PEX13: variants seen among roughly 807,000 people sequenced by gnomAD.
PEX13 encodes peroxisome biogenesis factor 13.
In PEX13, 28 loss-of-function variants were observed where a neutral mutation model predicts 34.5. The observed-to-expected ratio is 0.81, with a 90% CI of 0.60 to 1.11. The LOEUF is 1.11. Among genes scored for constraint, PEX13 ranks in the 50% most tolerant of loss-of-function variants. PEX13 has a pLI of 0.00. For synonymous variants in PEX13, 177 were observed against 175.1 expected (o/e 1.01, Z -0.09); for missense variants, 550 against 491.0 (o/e 1.12, Z -1.13).
intron 1 of PEX13, among the ~76,000 whole-genome samples, chr2:61,026,453 A>G (rs1023423473): frequency 8.0e-5 from 12 of 150,686 alleles, no homozygotes; most frequent in East Asian, 3.9e-4. Context: ...GGTTCAAGCA[A>G]TTCTCTGCCT....
At chr2:61,034,940 T>A in intron 2 of PEX13, among the ~76,000 whole-genome samples, 1 of 152,256 alleles carries the variant, frequency 6.6e-6, no homozygotes, top group East Asian at 1.9e-4. Flanking sequence ...TAAACGTCCC[T>A]GTCTGACAGC....
chr2:61,019,644 A>C (rs1284018650), intron 1 of PEX13, among the ~76,000 whole-genome samples: 2 of 152,050 alleles, frequency 1.3e-5, no homozygotes, highest in Non-Finnish European at 2.9e-5. Flanking sequence ...TTTATTGAGT[A>C]GTCTATTCTT....
chr2:61,050,563 T>C lies in PEX13; in HGVS notation c.*1793T>C, dbSNP rs1172442892. 2 of 152,268 alleles carry C rather than the reference T, an allele frequency of 1.3e-5. No individual in the cohort carries two copies. The highest frequency in any genetic ancestry group is 2.4e-5 in the African/African-American group (1 of 41,420). 9.4% of individuals were successfully genotyped at this position (152,268 alleles called of 1,614,324 possible). A position where few individuals can be genotyped will look rare whatever the true frequency, so the allele number is the denominator to read the frequency against. On this transcript the variant is annotated 3_prime_UTR_variant, in exon 4 of 4. Coordinates refer to ENST00000295030, the MANE Select transcript of PEX13 (RefSeq NM_002618.4). ...AGGAATACAGGTGTATAAGAATACA[T>C]TTATAGATATTGTTGAAAACTTTGA...
intron 1 of PEX13, among the ~76,000 whole-genome samples, chr2:61,024,390 C>T (rs1680315140): frequency 1.3e-5 from 2 of 152,218 alleles, no homozygotes; most frequent in Non-Finnish European, 2.9e-5. Context: ...TCACTATACT[C>T]CCTGTATCTT....
chr2:61,030,203 CATT>C (rs1250856855), intron 1 of PEX13, among the ~76,000 whole-genome samples: 1 of 152,134 alleles, frequency 6.6e-6, no homozygotes, highest in African/African-American at 2.4e-5. Context: ...CATAGATCCT[CATT>C]ATTTGTGGAT....
At chr2:61,035,903 A>T (rs1328155654) in intron 2 of PEX13, among the ~76,000 whole-genome samples, 3 of 151,934 alleles carry the variant, frequency 2.0e-5, no homozygotes, top group Non-Finnish European at 4.4e-5. Flanking sequence ...GAATTGCTTG[A>T]ACCCAGGAGG....
Position 61,050,277 on chromosome 2 carries a change from G to C in PEX13, c.*1507G>C, listed in dbSNP as rs1680774657. Reference sequence around the variant, plus strand: ...TGTAGTCCCAGCTACTCAGGAGGCTGAGGCAGGAGAATCACTTGAACCCGG... The same window carrying C: ...TGTAGTCCCAGCTACTCAGGAGGCTCAGGCAGGAGAATCACTTGAACCCGG... On this transcript the variant is annotated 3_prime_UTR_variant, in exon 4 of 4. Coordinates refer to ENST00000295030, the MANE Select transcript of PEX13 (RefSeq NM_002618.4). 1 of 152,368 alleles carries C rather than the reference G, an allele frequency of 6.6e-6. No individual in the cohort carries two copies. Among genetic ancestry groups the C allele is most frequent in the South Asian group, 2.1e-4 (1 of 4,812 alleles). 9.4% of individuals were successfully genotyped at this position (152,368 alleles called of 1,614,324 possible). A position where few individuals can be genotyped will look rare whatever the true frequency, so the allele number is the denominator to read the frequency against.
intron 1 of PEX13, among the ~76,000 whole-genome samples, chr2:61,029,309 C>G (rs1425705613): frequency 6.6e-6 from 1 of 152,080 alleles, no homozygotes; most frequent in Non-Finnish European, 1.5e-5. Flanking sequence ...CTCACGCCCA[C>G]TAGGATAGCT....
chr2:61,038,536 C>T (rs1289412699), intron 2 of PEX13, among the ~76,000 whole-genome samples: 1 of 152,138 alleles, frequency 6.6e-6, no homozygotes. Flanking sequence ...GTAGAAAAGG[C>T]CTTCAACAAA....
At chr2:61,019,287 A>G (rs918428625) in intron 1 of PEX13, among the ~76,000 whole-genome samples, 13 of 151,752 alleles carry the variant, frequency 8.6e-5, no homozygotes, top group African/African-American at 2.4e-4. Context: ...CCAATTTTCT[A>G]TTGGCTTTAT....
chr2:61,026,638 G>A (rs1002891040), intron 1 of PEX13, among the ~76,000 whole-genome samples: 93 of 150,728 alleles, frequency 6.2e-4, no homozygotes, highest in African/African-American at 2.0e-3. Flanking sequence ...GAGCCACCAC[G>A]CCTGGCCTGT....
chr2:61,021,408 T>A (rs956087932), intron 1 of PEX13, among the ~76,000 whole-genome samples: 2 of 152,214 alleles, frequency 1.3e-5, no homozygotes, highest in Non-Finnish European at 2.9e-5. Context: ...CATGGAGCCT[T>A]GCTCAGTGCT....
intron 2 of PEX13, among the ~76,000 whole-genome samples, chr2:61,044,048 C>T (rs1680667028): frequency 6.6e-6 from 1 of 151,970 alleles, no homozygotes; most frequent in Non-Finnish European, 1.5e-5. Context: ...CTCTTGGGCT[C>T]ACATGATTCT....
chr2:61,047,086 T>A (rs1680714584), intron 3 of PEX13, among the ~76,000 whole-genome samples: 1 of 151,790 alleles, frequency 6.6e-6, no homozygotes, highest in African/African-American at 2.4e-5. Context: ...CTGGGCAACG[T>A]AGTGTAACCT....
At chr2:61,047,083 A>C (rs1680714435) in intron 3 of PEX13, among the ~76,000 whole-genome samples, 2 of 152,054 alleles carry the variant, frequency 1.3e-5, no homozygotes, top group Non-Finnish European at 2.9e-5. Flanking sequence ...AGCCTGGGCA[A>C]CGTAGTGTAA....
intron 1 of PEX13, among the ~76,000 whole-genome samples, chr2:61,029,364 A>G (rs1264269646): frequency 6.6e-6 from 1 of 152,156 alleles, no homozygotes; most frequent in South Asian, 2.1e-4. Flanking sequence ...ATGTGGAGAA[A>G]TTGGAAATCC....
Position 61,031,525 on chromosome 2 carries a change from A to C in PEX13, c.199A>C (p.Ser67Arg), listed in dbSNP as rs752073595. 50 of 1,614,034 alleles carry C rather than the reference A, an allele frequency of 3.1e-5. No individual in the cohort carries two copies. Among genetic ancestry groups the C allele is most frequent in the Non-Finnish European group, 3.7e-5 (44 of 1,179,982 alleles). Residue 67 changes from serine to arginine, a missense_variant, in exon 2 of 4, where the codon AGT becomes CGT. By Grantham distance (110) the Ser-to-Arg change is moderately radical. Coordinates refer to ENST00000295030, the MANE Select transcript of PEX13 (RefSeq NM_002618.4). ...PRPSQQTGSS[S>R]VNTFRPAYSS... The stretch of plus-strand genomic sequence containing the variant: ...GCCATCACAGCAGACAGGAAGTAGC[A>C]GTGTGAACACTTTTAGACCTGCTTA...
chr2:61,021,523 G>A (rs1467522968), intron 1 of PEX13, among the ~76,000 whole-genome samples: 1 of 152,224 alleles, frequency 6.6e-6, no homozygotes, highest in Non-Finnish European at 1.5e-5. Flanking sequence ...CAGGAAGCTT[G>A]AACTGGGAGG....
chr2:61,022,181 G>A (rs1680275192), intron 1 of PEX13, among the ~76,000 whole-genome samples: 1 of 152,168 alleles, frequency 6.6e-6, no homozygotes, highest in Non-Finnish European at 1.5e-5. Flanking sequence ...GAATGACTTT[G>A]ACGAGTTGAC....
Sources: allele counts gnomAD v4.1 joint callset (sites outside exome capture counted in the v4.1 genomes callset), GRCh38; gene constraint gnomAD v4.1.1; transcripts MANE v1.5; gene names NCBI Gene and HGNC (gene_info 2026-07-23, HGNC 2026-07-21).